The following CHKB variants were observed in gnomAD, a reference collection of about 807,000 sequenced individuals.
CHKB encodes choline/ethanolamine kinase.
CHKB carries 45 observed loss-of-function variants against 57.3 expected under a neutral mutation model. That is an observed-to-expected ratio of 0.79 (90% CI 0.62 to 1.01). The LOEUF is 1.01. Ranked by LOEUF, CHKB falls within the 50% of genes least tolerant of loss-of-function variation. CHKB has a pLI of 0.00. For synonymous variants in CHKB, 224 were observed against 201.8 expected, an observed-to-expected ratio of 1.11 and a Z score of -0.93; for missense variants, 517 against 502.8, an observed-to-expected ratio of 1.03 and a Z score of -0.27.
At chr22:50,582,466 AG>A (rs1270986913) in intron 1 of CHKB, 91 bp downstream of exon 1, 5 of 1,467,388 alleles carry the variant, frequency 3.4e-6, no homozygotes, top group Middle Eastern at 1.7e-4. Context: ...CGGGCGCAAG[AG>A]GGGGGCGAAA....
At chr22:50,579,700 T>A (rs2146651835) in intron 9 of CHKB, 27 bp downstream of exon 9, 7 of 1,557,890 alleles carry the variant, frequency 4.5e-6, no homozygotes, top group Non-Finnish European at 6.2e-6. Flanking sequence ...TGCTCTGCCC[T>A]ACCCCACCCT....
rs2070648630 is a variant in CHKB, at chr22:50,579,997, C to G, written c.904G>C (p.Asp302His). 6.2e-7 allele frequency: 1 copy of G among 1,613,998 alleles called. No individual in the cohort carries two copies. The highest frequency in any genetic ancestry group is 1.3e-5 in the African/African-American group (1 of 74,920). ...EWPFYKARPT[D>H]YPTQEQQLHF... ...ACCTGCTGTTCTTGAGTGGGGTAGT[C>G]TGTGGGCCTTGCTTTGTAGAAAGGC... is the stretch of plus-strand genomic sequence containing the variant. Residue 302 changes from aspartate to histidine, a missense_variant, in exon 8 of 11, where the codon GAC (aspartate) becomes CAC (histidine). Physicochemically the swap from Asp to His is moderately conservative, Grantham distance 81. Coordinates refer to ENST00000406938, the MANE Select transcript of CHKB (RefSeq NM_005198.5).
intron 8 of CHKB, 33 bp from the exon 9 acceptor site, chr22:50,579,863 G>C: frequency 1.2e-6 from 2 of 1,601,504 alleles, no homozygotes; most frequent in South Asian, 2.2e-5. Context: ...AGGAATTGGG[G>C]AGACTGTGGA....
At position 50,580,351 on chromosome 22, in the gene CHKB, C is replaced by A. The variant is rs1387502975; in HGVS notation, c.736+7G>T. On this transcript the variant is annotated splice_region_variant and intron_variant, in intron 6 of 10. Coordinates refer to ENST00000406938, the MANE Select transcript of CHKB (RefSeq NM_005198.5). ...TTGGGTTAGGAGACTCAGATGCCTT[C>A]TCCTACCTTCCTGGATGTCATTGTG... 2 of 1,614,024 alleles carry A rather than the reference C, an allele frequency of 1.2e-6. No individual in the cohort carries two copies. The highest frequency in any genetic ancestry group is 4.5e-5 in the East Asian group (2 of 44,888).
At position 50,582,466 on chromosome 22, in the gene CHKB, A is replaced by G. The variant is rs537780707; in HGVS notation, c.224+92T>C. The stretch of plus-strand genomic sequence containing the variant: ...GCCCCGCCCCAGGCGCGGGCGCAAG[A>G]GGGGGGCGAAAACATGGAGCATCCT... On this transcript the variant is annotated intron_variant, in intron 1 of 10. Coordinates refer to ENST00000406938, the MANE Select transcript of CHKB (RefSeq NM_005198.5). 4.1e-5 allele frequency: 60 copies of G among 1,467,512 alleles called. No individual in the cohort carries two copies. The African/African-American group carries it at 7.8e-4, about 19-fold the overall frequency. 90.9% of individuals were successfully genotyped at this position (1,467,512 alleles called of 1,614,324 possible). A position where few individuals can be genotyped will look rare whatever the true frequency, so the allele number is the denominator to read the frequency against.
chr22:50,580,972 G>C (rs1037790905), intron 4 of CHKB, among the ~76,000 whole-genome samples: 8 of 152,126 alleles, frequency 5.3e-5, no homozygotes, highest in African/African-American at 1.9e-4. Context: ...ATAGAGACAG[G>C]GTTTCACTGT....
chr22:50,582,581 C>T lies in CHKB; in HGVS notation c.201G>A (p.Glu67=). 1.2e-6 allele frequency: 2 copies of T among 1,610,262 alleles called. No individual in the cohort carries two copies. The highest frequency in any genetic ancestry group is 1.7e-6 in the Non-Finnish European group (2 of 1,178,854). ...LGGAWRRVQP[E]ELRVYPVSGG... is the part of the protein sequence containing the mutation. Reference sequence around the variant, plus strand: ...ACCTCACGGGGTAAACCCTCAGCTCCTCGGGCTGCACTCGGCGCCAGGCCC... The same window carrying T: ...ACCTCACGGGGTAAACCCTCAGCTCTTCGGGCTGCACTCGGCGCCAGGCCC... Residue 67 remains glutamate, a synonymous_variant, in exon 1 of 11, where the codon GAG becomes GAA. Transcript: ENST00000406938.
chr22:50,579,340 C>A (rs538239713), intron 10 of CHKB, 85 bp from the exon 11 acceptor site: 9 of 1,579,240 alleles, frequency 5.7e-6, no homozygotes, highest in African/African-American at 2.7e-5. Flanking sequence ...CACAGCCACC[C>A]GGGACTCCCC....
rs1217946129 is a variant in CHKB, at chr22:50,582,358, C to T, written c.225-1G>A. ...GAAGAGCAGGTTGCTGAGGCCTCCGCTGCAGACCCACACCAGGCGCGCTCA... is the reference window on the plus strand; with the variant it reads ...GAAGAGCAGGTTGCTGAGGCCTCCGTTGCAGACCCACACCAGGCGCGCTCA... On this transcript the variant is annotated splice_acceptor_variant, in intron 1 of 10. Transcript: ENST00000406938. LOFTEE classifies it high-confidence loss of function. 1 of 1,554,118 alleles carries T rather than the reference C, an allele frequency of 6.4e-7. No individual in the cohort carries two copies. Among genetic ancestry groups the T allele is most frequent in the Non-Finnish European group, 8.7e-7 (1 of 1,151,428 alleles).
Position 50,579,988 on chromosome 22 carries a change from TG to T in CHKB, c.912del (p.Thr305LeufsTer36). ...GGCCCACATACCTGCTGTTCTTGAGTGGGGTAGTCTGTGGGCCTTGCTTTGT... is the reference window on the plus strand; with the variant it reads ...GGCCCACATACCTGCTGTTCTTGAGTGGGTAGTCTGTGGGCCTTGCTTTGT... ...PFYKARPTDY[P>X]TQEQQLHFIR... is the part of the protein sequence containing the mutation. On this transcript the variant is annotated frameshift_variant, in exon 8 of 11. Coordinates refer to ENST00000406938, the MANE Select transcript of CHKB (RefSeq NM_005198.5). LOFTEE classifies it high-confidence loss of function. 6.2e-7 allele frequency: 1 copy of T among 1,613,840 alleles called. No homozygotes were observed. The highest frequency in any genetic ancestry group is 8.5e-7 in the Non-Finnish European group (1 of 1,179,912).
chr22:50,581,351 C>T (rs2070686287), intron 4 of CHKB, 69 bp downstream of exon 4: 1 of 1,594,564 alleles, frequency 6.3e-7, no homozygotes, highest in African/African-American at 1.3e-5. Context: ...GGATAGAGCC[C>T]CCGACACATC....
rs976907037 is a variant in CHKB at position 50,580,908 on chromosome 22, T to C, written c.582-248A>G. ...AATTCTCCTGCCTCAGCCTCCCGAG[T>C]AGCTGGGACTACAGGTGCATGCTGC... is the stretch of plus-strand genomic sequence containing the variant. On this transcript the variant is annotated intron_variant, in intron 4 of 10. Coordinates refer to ENST00000406938, the MANE Select transcript of CHKB (RefSeq NM_005198.5). The C allele has an allele frequency of 1.3e-5, 6 of 470,000 alleles. No individual in the cohort carries two copies. The East Asian group carries it at 2.2e-4, about 17-fold the overall frequency. 29.1% of individuals were successfully genotyped at this position (470,000 alleles called of 1,614,324 possible).
rs2070688663 is a variant in CHKB, at chr22:50,581,432, C to T, written c.569G>A (p.Gly190Glu). 1 of 1,613,462 alleles carries T rather than the reference C, an allele frequency of 6.2e-7. No homozygotes were observed. Among genetic ancestry groups the T allele is most frequent in the Admixed American group, 1.7e-5 (1 of 59,998 alleles). The change falls in exon 4 of 11, where the codon GGG (glycine) becomes GAG (glutamate). Residue 190 changes from glycine (G) to glutamate (E), a missense_variant. Coordinates refer to ENST00000406938, the MANE Select transcript of CHKB (RefSeq NM_005198.5). ...GCTCCTGACTCACCGCTCCATGGTC[C>T]CAAACAGCCAGTGGGGCTCCTTGGT... is the stretch of plus-strand genomic sequence containing the variant. ...PFTKEPHWLF[G>E]TMERYLKQIQ...
chr22:50,579,752 C>T lies in CHKB; in HGVS notation c.1006G>A (p.Glu336Lys), dbSNP rs374337406. The T allele has an allele frequency of 3.6e-5, 58 of 1,613,988 alleles. No individual in the cohort carries two copies. The African/African-American group carries it at 4.1e-4, about 12-fold the overall frequency. The change falls in exon 9 of 11, where the codon GAA becomes AAA. Residue 336 changes from glutamate (E) to lysine (K), a missense_variant. Glu to Lys is a moderately conservative substitution (Grantham distance 56, BLOSUM62 1). Coordinates refer to ENST00000406938, the MANE Select transcript of CHKB (RefSeq NM_005198.5). ...CGACTGACTTCTACCAGCAAATCTTCTTCCAGTTTTCTCTGCTCCTCTTGG... is the reference window on the plus strand; with the variant it reads ...CGACTGACTTCTACCAGCAAATCTTTTTCCAGTTTTCTCTGCTCCTCTTGG... ...LSQEEQRKLE[E>K]DLLVEVSRYA...
At position 50,582,557 on chromosome 22, in the gene CHKB, C is replaced by T. The variant is rs1406122283; in HGVS notation, c.224+1G>A. On this transcript the variant is annotated splice_donor_variant, in intron 1 of 10. Coordinates refer to ENST00000406938, the MANE Select transcript of CHKB (RefSeq NM_005198.5). LOFTEE classifies it high-confidence loss of function. The stretch of plus-strand genomic sequence containing the variant: ...GGAGAGGCTGACCCCTGACCTCCCA[C>T]CTCACGGGGTAAACCCTCAGCTCCT... 6.2e-7 allele frequency: 1 copy of T among 1,606,918 alleles called. No individual in the cohort carries two copies. The highest frequency in any genetic ancestry group is 8.5e-7 in the Non-Finnish European group (1 of 1,177,394).
intron 4 of CHKB, 142 bp from the exon 5 acceptor site, chr22:50,580,802 T>C (rs2070676616): frequency 2.5e-6 from 2 of 799,906 alleles, no homozygotes; most frequent in Admixed American, 2.0e-5. Context: ...TCTTTTGAAA[T>C]GGAGTCTTGC....
chr22:50,579,115 T>C lies in CHKB; in HGVS notation c.*66A>G. On this transcript the variant is annotated 3_prime_UTR_variant, in exon 11 of 11. Transcript: ENST00000406938. ...CCCAGTCGCCAGGGCCTTCTGCTCG[T>C]TGTTCCTCCCTCCAAGGTCCTGCCC... 1.3e-6 allele frequency: 2 copies of C among 1,490,612 alleles called. No individual in the cohort carries two copies. Among genetic ancestry groups the C allele is most frequent in the Non-Finnish European group, 1.9e-6 (2 of 1,080,318 alleles). 92.3% of individuals were successfully genotyped at this position (1,490,612 alleles called of 1,614,324 possible). A position where few individuals can be genotyped will look rare whatever the true frequency, so the allele number is the denominator to read the frequency against.
chr22:50,580,363 T>C lies in CHKB; in HGVS notation c.731A>G (p.Gln244Arg). The C allele has an allele frequency of 6.2e-7, 1 of 1,614,010 alleles. No homozygotes were observed. The highest frequency in any genetic ancestry group is 8.5e-7 in the Non-Finnish European group (1 of 1,179,998). The change falls in exon 6 of 11, where the codon CAG (glutamine) becomes CGG (arginine). Residue 244 changes from glutamine (Q) to arginine (R), a missense_variant. Physicochemically the swap from Gln to Arg is conservative, Grantham distance 43. Transcript: ENST00000406938. The stretch of plus-strand genomic sequence containing the variant: ...ACTCAGATGCCTTCTCCTACCTTCC[T>C]GGATGTCATTGTGGCAGAAGACGAC... Reference protein sequence around the residue: ...SPVVFCHNDIQEGNILLLSEP... With the variant: ...SPVVFCHNDIREGNILLLSEP...
Position 50,579,422 on chromosome 22 carries a change from T to A in CHKB, c.1113+4A>T, listed in dbSNP as rs760858639. Reference sequence around the variant, plus strand: ...CTAGCATTCCCATCCCCAGGGTCACTTACCAAGTAACCAAATTCTATGGTG... The same window carrying A: ...CTAGCATTCCCATCCCCAGGGTCACATACCAAGTAACCAAATTCTATGGTG... On this transcript the variant is annotated splice_donor_region_variant and intron_variant, in intron 10 of 10. Coordinates refer to ENST00000406938, the MANE Select transcript of CHKB (RefSeq NM_005198.5). 2.2e-5 allele frequency: 36 copies of A among 1,612,520 alleles called. No individual in the cohort carries two copies. The highest frequency in any genetic ancestry group is 2.9e-5 in the Non-Finnish European group (34 of 1,179,534).
Sources: gnomAD v4.1 joint callset for allele counts (sites outside exome capture counted in the v4.1 genomes callset) on GRCh38, gnomAD v4.1.1 for gene constraint, MANE v1.5 for transcripts, NCBI Gene and HGNC (gene_info 2026-07-23, HGNC 2026-07-21) for gene names.